MYT1L: variants seen among roughly 807,000 people sequenced by gnomAD.
MYT1L encodes the protein myelin transcription factor 1-like protein.
MYT1L carries 12 observed loss-of-function variants against 126.7 expected under a neutral mutation model. That is an observed-to-expected ratio of 0.09 (90% CI 0.06 to 0.15). The LOEUF is 0.15. MYT1L is among the 10% of genes least tolerant of loss of function. The probability of loss-of-function intolerance (pLI) is 1.00; values close to 1 mark genes in which losing one functional copy is unlikely to be tolerated. For synonymous variants in MYT1L, 541 were observed against 604.2 expected (o/e 0.90, Z 1.53); for missense variants, 979 against 1,585.2 (o/e 0.62, Z 6.49).
At chr2:1,994,318 C>A (rs375813580) in intron 5 of MYT1L, among the ~76,000 whole-genome samples, 1 of 145,560 alleles carries the variant, frequency 6.9e-6, no homozygotes, top group African/African-American at 2.5e-5. Context: ...CCCTGGTTCA[C>A]GCCCTGCTCC....
At chr2:2,182,312 T>C (rs1208768891) in intron 2 of MYT1L, among the ~76,000 whole-genome samples, 2 of 152,224 alleles carry the variant, frequency 1.3e-5, no homozygotes, top group East Asian at 1.9e-4. Context: ...ACCCTTCCAT[T>C]GGAAATCCAG....
intron 1 of MYT1L, chr2:2,324,605 G>C (rs969733360): frequency 7.2e-5 from 11 of 152,696 alleles, no homozygotes; most frequent in African/African-American, 2.7e-4. Flanking sequence ...ACGGGCATGC[G>C]TACAGCGCTC....
chr2:1,916,721 T>C (rs2052897574), intron 11 of MYT1L, among the ~76,000 whole-genome samples: 1 of 152,188 alleles, frequency 6.6e-6, no homozygotes, highest in South Asian at 2.1e-4. Flanking sequence ...TGAGACAGAC[T>C]TTACAGGTGA....
At chr2:2,046,472 A>G (rs2068202720) in intron 4 of MYT1L, among the ~76,000 whole-genome samples, 1 of 152,248 alleles carries the variant, frequency 6.6e-6, no homozygotes, top group Admixed American at 6.5e-5. Context: ...TAATGAATGC[A>G]ATAAAAATAG....
chr2:1,866,650 A>G (rs111161811), intron 18 of MYT1L, among the ~76,000 whole-genome samples: 1,408 of 34,580 alleles, frequency 0.041, 138 homozygotes, highest in African/African-American at 0.15. Flanking sequence ...AGAGAGAGAG[A>G]CAGAGAGAGA....
At chr2:2,305,172 C>A in intron 1 of MYT1L, among the ~76,000 whole-genome samples, 1 of 152,136 alleles carries the variant, frequency 6.6e-6, no homozygotes, top group East Asian at 1.9e-4. Context: ...CATCACAAAT[C>A]TCTGCAAAGC....
intron 2 of MYT1L, among the ~76,000 whole-genome samples, chr2:2,237,689 C>G (rs2094351843): frequency 6.6e-6 from 1 of 152,130 alleles, no homozygotes. Flanking sequence ...TTACATAAAC[C>G]ACTTAAGTCC....
At position 1,979,401 on chromosome 2, in the gene MYT1L, T is replaced by C; in HGVS notation, c.89+120A>G. 1 of 1,150,172 alleles carries C rather than the reference T, an allele frequency of 8.7e-7. No individual in the cohort carries two copies. Among genetic ancestry groups the C allele is most frequent in the Non-Finnish European group, 1.3e-6 (1 of 764,204 alleles). 71.2% of individuals were successfully genotyped at this position (1,150,172 alleles called of 1,614,324 possible). On this transcript the variant is annotated intron_variant, in intron 7 of 24. Coordinates refer to ENST00000647738, the MANE Select transcript of MYT1L (RefSeq NM_001303052.2). This position sits in a 1 kb window ranked among gnomAD's most constrained non-coding sequence, Gnocchi z 4.0. ...CGAGCAAGTCTCGGGGGAATTAATT[T>C]CATCAGTGCAGCAGGGCGTGAGCAA... is the stretch of plus-strand genomic sequence containing the variant.
At chr2:2,282,881 C>T (rs908678348) in intron 2 of MYT1L, among the ~76,000 whole-genome samples, 1 of 152,190 alleles carries the variant, frequency 6.6e-6, no homozygotes, top group African/African-American at 2.4e-5. Flanking sequence ...TGGAGACCAG[C>T]CTGGCCAACA....
At chr2:2,219,203 T>C (rs924406152) in intron 2 of MYT1L, among the ~76,000 whole-genome samples, 1 of 152,146 alleles carries the variant, frequency 6.6e-6, no homozygotes, top group Non-Finnish European at 1.5e-5. Flanking sequence ...TTTTGGGTGC[T>C]ATAGAGAAGT....
In MYT1L at chr2:1,979,341, A is replaced by C; in HGVS notation, c.90-114T>G. 8.8e-7 allele frequency: 1 copy of C among 1,140,814 alleles called. No individual in the cohort carries two copies. The highest frequency in any genetic ancestry group is 1.3e-6 in the Non-Finnish European group (1 of 771,318). The allele number at this position is 1,140,814 out of a possible 1,614,324, so 70.7% of individuals were successfully genotyped here. A position where few individuals can be genotyped will look rare whatever the true frequency, so the allele number is the denominator to read the frequency against. ...TCAGACAGAGGAGAGAAATCACACA[A>C]TCCAAAGGAGGGGGAAATTCGGGGA... On this transcript the variant is annotated intron_variant, in intron 7 of 24. Transcript: ENST00000647738. The surrounding 1 kb of genome is among the most constrained non-coding windows in gnomAD (Gnocchi z 4.0).
chr2:1,956,203 A>G (rs148487829), intron 8 of MYT1L, among the ~76,000 whole-genome samples: 18 of 140,136 alleles, frequency 1.3e-4, no homozygotes, highest in South Asian at 6.6e-4. Flanking sequence ...CTATCTATCT[A>G]TCTATCTATC....
intron 5 of MYT1L, among the ~76,000 whole-genome samples, chr2:1,989,941 T>C (rs1156474904): frequency 6.6e-6 from 1 of 152,116 alleles, no homozygotes; most frequent in African/African-American, 2.4e-5. Context: ...GGGGTTGCAG[T>C]GAGCTGAGAT....
At chr2:1,956,357 A>G (rs2058385914) in intron 8 of MYT1L, among the ~76,000 whole-genome samples, 1 of 148,620 alleles carries the variant, frequency 6.7e-6, no homozygotes, top group South Asian at 2.1e-4. Context: ...CTATCTATCT[A>G]TCTATCATCT....
intron 19 of MYT1L, among the ~76,000 whole-genome samples, chr2:1,850,228 CTTCCTTCCTTCCTTCCTTCCTTCCCT>C (rs1329745006): frequency 3.2e-4 from 23 of 72,700 alleles, no homozygotes; most frequent in Non-Finnish European, 5.3e-4. Flanking sequence ...TCCTTCCTTC[CTTCCTTCCTTCCTTCCTTCCTTCCCT>C]GTCTTTTCTC....
chr2:2,255,999 G>C (rs2094800221), intron 2 of MYT1L, among the ~76,000 whole-genome samples: 1 of 152,160 alleles, frequency 6.6e-6, no homozygotes, highest in African/African-American at 2.4e-5. Context: ...CATTAAATAG[G>C]GAGCCATAGC....
chr2:1,859,282 C>T (rs910806666), intron 18 of MYT1L, among the ~76,000 whole-genome samples: 9 of 152,096 alleles, frequency 5.9e-5, no homozygotes, highest in African/African-American at 2.2e-4. Flanking sequence ...AACCTGTAAA[C>T]AAAAAACACC....
At chr2:1,982,952 A>G (rs950786393) in intron 5 of MYT1L, among the ~76,000 whole-genome samples, 2 of 152,202 alleles carry the variant, frequency 1.3e-5, no homozygotes, top group Non-Finnish European at 2.9e-5. Context: ...AACTGCTCAT[A>G]TGGTTGGATA....
intron 3 of MYT1L, among the ~76,000 whole-genome samples, chr2:2,060,941 C>A (rs528922483): frequency 6.6e-6 from 1 of 151,582 alleles, no homozygotes; most frequent in East Asian, 1.9e-4. Context: ...TTTGTAAGCA[C>A]TTCTCCATAT....
Sources: gnomAD v4.1 joint callset for allele counts (sites outside exome capture counted in the v4.1 genomes callset) on GRCh38, gnomAD v4.1.1 for gene constraint, Gnocchi (gnomAD v3.1) non-coding constraint, MANE v1.5 for transcripts, NCBI Gene and HGNC (gene_info 2026-07-23, HGNC 2026-07-21) for gene names.